BTK: variants seen among roughly 807,000 people sequenced by gnomAD.
The protein encoded by BTK is Bruton tyrosine kinase, also known as tyrosine-protein kinase BTK.
Under a neutral mutation model 57.4 loss-of-function variants are expected in BTK, and 5 were observed. That is an observed-to-expected ratio of 0.09 (90% CI 0.05 to 0.18). BTK has a LOEUF of 0.18. BTK is among the 10% of genes least tolerant of loss of function. The probability of loss-of-function intolerance (pLI) is 1.00; values close to 1 mark genes in which losing one functional copy is unlikely to be tolerated. For synonymous variants in BTK, 154 were observed against 174.3 expected (o/e 0.88, Z 0.92); for missense variants, 194 against 501.2 (o/e 0.39, Z 5.85).
At chrX:101,381,811 C>A (rs1232832019) in intron 1 of BTK, among the ~76,000 whole-genome samples, 3 of 110,491 alleles carry the variant, frequency 2.7e-5, no homozygotes, top group African/African-American at 9.9e-5. Context: ...GGCTGGATGG[C>A]AAGGTCAGGA....
At chrX:101,361,912 A>T (rs782628498) in intron 7 of BTK, among the ~76,000 whole-genome samples, 1 of 112,789 alleles carries the variant, frequency 8.9e-6, no homozygotes, top group Non-Finnish European at 1.9e-5. Context: ...AAACAAAAGC[A>T]AAAACAAAAC....
chrX:101,365,217 C>T (rs1926814099), intron 5 of BTK, among the ~76,000 whole-genome samples: 1 of 111,803 alleles, frequency 8.9e-6, no homozygotes, highest in Admixed American at 9.5e-5. Flanking sequence ...TCCCTGTCAC[C>T]TAGGGATTTG....
intron 1 of BTK, chrX:101,377,777 C>G (rs1468260240): frequency 9.0e-6 from 1 of 111,385 alleles, no homozygotes; most frequent in Non-Finnish European, 1.9e-5. Context: ...AGCCATCGCC[C>G]CTCTGAGCAA....
At chrX:101,352,853 C>T (rs1555977259) in intron 18 of BTK, among the ~76,000 whole-genome samples, 3 of 107,021 alleles carry the variant, frequency 2.8e-5, no homozygotes, top group African/African-American at 6.9e-5. Context: ...GAGCCAAAAT[C>T]GTGCCACTGC....
chrX:101,368,318 T>G (rs1926925129), intron 5 of BTK, among the ~76,000 whole-genome samples: 2 of 112,659 alleles, frequency 1.8e-5, no homozygotes, highest in Admixed American at 1.9e-4. Flanking sequence ...GAACTGTGTA[T>G]TGCAGGATAT....
intron 1 of BTK, among the ~76,000 whole-genome samples, chrX:101,376,349 C>T (rs1411870538): frequency 1.8e-5 from 2 of 112,086 alleles, no homozygotes; most frequent in Non-Finnish European, 3.8e-5. Flanking sequence ...GAACACTAGG[C>T]CGGCGCGGTG....
chrX:101,374,695 A>G (rs1927150347), intron 2 of BTK, 61 bp from the exon 3 acceptor site: 2 of 994,196 alleles, frequency 2.0e-6, no homozygotes, highest in East Asian at 3.0e-5. Flanking sequence ...CAACCAGATG[A>G]TTAGATTTTG....
rs184817805 is a variant in BTK at position 101,361,864 on chromosome X, G to A, written c.588+309C>T. On this transcript the variant is annotated intron_variant, in intron 7 of 18. Coordinates refer to ENST00000308731, the MANE Select transcript of BTK (RefSeq NM_000061.3). ...GAGCCGAGATCATGCCATTACACTC[G>A]AACCTGGGCGACAGAGCGAGACTCC... Among the ~76,000 whole-genome samples, 939 of 112,101 alleles carry A rather than the reference G, an allele frequency of 8.4e-3. 10 individuals are homozygous for A. The highest frequency in any genetic ancestry group is 0.029 in the African/African-American group (905 of 30,887).
chrX:101,382,848 T>C (rs1426423581), intron 1 of BTK, among the ~76,000 whole-genome samples: 3 of 111,295 alleles, frequency 2.7e-5, no homozygotes, highest in Non-Finnish European at 5.6e-5. Context: ...AAACATTTTA[T>C]TTATTTTTTC....
upstream of BTK, among the ~76,000 whole-genome samples, chrX:101,386,596 C>T (rs1927616158): frequency 1.8e-5 from 2 of 110,453 alleles, no homozygotes; most frequent in African/African-American, 3.3e-5. Context: ...GAGCGTTTTT[C>T]GAGTCTCCTG....
At chrX:101,362,415 C>T in intron 6 of BTK, 146 bp downstream of exon 6, 1 of 999,523 alleles carries the variant, frequency 1.0e-6, no homozygotes, top group Non-Finnish European at 1.4e-6. Context: ...GATTTCAGCC[C>T]CCATGTGCCT....
intron 1 of BTK, among the ~76,000 whole-genome samples, chrX:101,385,810 G>A (rs1927591486): frequency 9.0e-6 from 1 of 111,545 alleles, no homozygotes; most frequent in African/African-American, 3.3e-5. Context: ...TACCTGTTCG[G>A]ATGGTCACCT....
upstream of BTK, among the ~76,000 whole-genome samples, chrX:101,389,165 G>A (rs1927707198): frequency 9.1e-6 from 1 of 110,224 alleles, no homozygotes; most frequent in Non-Finnish European, 1.9e-5. Flanking sequence ...TGATAGATGT[G>A]TTAATCAATT....
At chrX:101,361,372 C>T (rs1926664118) in intron 7 of BTK, among the ~76,000 whole-genome samples, 1 of 110,972 alleles carries the variant, frequency 9.0e-6, no homozygotes, top group Admixed American at 9.6e-5. Context: ...GTCAGGAAAC[C>T]GGCTTGGCAC....
At chrX:101,378,492 T>G (rs1927291985) in intron 1 of BTK, among the ~76,000 whole-genome samples, 1 of 104,500 alleles carries the variant, frequency 9.6e-6, no homozygotes, top group African/African-American at 3.6e-5. Flanking sequence ...GGGTGAAGGG[T>G]GGAAATGGAA....
At position 101,356,297 on chromosome X, in the gene BTK, T is replaced by C. The variant is rs3747288; in HGVS notation, c.1350-29A>G. On this transcript the variant is annotated intron_variant, in intron 14 of 18. Coordinates refer to ENST00000308731, the MANE Select transcript of BTK (RefSeq NM_000061.3). ...CAGGAAAGGCAAGGAACTAGTCTTC[T>C]CCTTTTGGCTCTGCATAATAGCAAT... 0.22 allele frequency: 257,344 copies of C among 1,166,120 alleles called. 26,792 individuals are homozygous for C. Among genetic ancestry groups the C allele is most frequent in the African/African-American group, 0.65 (36,454 of 56,084 alleles).
Position 101,349,522 on chromosome X carries a change from T to C in BTK, c.*363A>G, listed in dbSNP as rs1422873088. On this transcript the variant is annotated 3_prime_UTR_variant, in exon 19 of 19. Transcript: ENST00000308731. ...CATCTTTATGACACCATTTCATTCT[T>C]GCCAAATTCGGTCCACCCCCACACA... 2 of 202,652 alleles carry C rather than the reference T, an allele frequency of 9.9e-6. No homozygotes were observed. Among genetic ancestry groups the C allele is most frequent in the African/African-American group, 5.8e-5 (2 of 34,479 alleles). 16.7% of individuals were successfully genotyped at this position (202,652 alleles called of 1,213,427 possible).
intron 18 of BTK, among the ~76,000 whole-genome samples, chrX:101,351,739 T>C (rs1399782179): frequency 9.0e-6 from 1 of 111,432 alleles, no homozygotes; most frequent in Non-Finnish European, 1.9e-5. Flanking sequence ...GTAGGACAGA[T>C]TTCCTTATTT....
chrX:101,372,262 A>G (rs1336696565), intron 3 of BTK, among the ~76,000 whole-genome samples: 2 of 111,924 alleles, frequency 1.8e-5, no homozygotes, highest in Non-Finnish European at 3.8e-5. Context: ...AAACATTTTC[A>G]ACATACTTTA....
Sources: gnomAD v4.1 joint callset for allele counts (sites outside exome capture counted in the v4.1 genomes callset) on GRCh38, gnomAD v4.1.1 for gene constraint, MANE v1.5 for transcripts, NCBI Gene and HGNC (gene_info 2026-07-23, HGNC 2026-07-21) for gene names.